The following SACM1L variants were observed in gnomAD, a reference collection of about 807,000 sequenced individuals.
The protein encoded by SACM1L is phosphatidylinositol-3-phosphatase SAC1.
A neutral mutation model predicts 89.5 loss-of-function variants in SACM1L; 32 were observed. The observed-to-expected ratio is 0.36, with a 90% CI of 0.27 to 0.48. The LOEUF is 0.48. SACM1L is among the 20% of genes least tolerant of loss of function. The pLI, the probability that SACM1L is intolerant of heterozygous loss-of-function variation, is 0.99. For missense variants in SACM1L, 543 were observed against 708.5 expected, an observed-to-expected ratio of 0.77 and a Z score of 2.65; for synonymous variants, 213 against 232.8, an observed-to-expected ratio of 0.92 and a Z score of 0.77.
In SACM1L at chr3:45,723,477, G is replaced by A; in HGVS notation, c.855G>A (p.Met285Ile). The part of the protein sequence containing the change: ...LPQISKVANH[M>I]DGFQRHFDSQ... ...ATATGTAACTTTTTCCTCTCTAGAT[G>A]GACGGTTTCCAAAGGCATTTTGATT... The change falls in exon 11 of 20, where the codon ATG (methionine) becomes ATA (isoleucine). Residue 285 changes from methionine (M) to isoleucine (I), a missense_variant and splice_region_variant. By Grantham distance (10) the Met-to-Ile change is conservative (BLOSUM62 1). Transcript: ENST00000389061. The A allele has an allele frequency of 8.2e-6, 12 of 1,460,460 alleles. No individual in the cohort carries two copies. The highest frequency in any genetic ancestry group is 1.1e-5 in the Non-Finnish European group (12 of 1,087,778). The allele number at this position is 1,460,460 out of a possible 1,614,324, so 90.5% of individuals were successfully genotyped here. A position where few individuals can be genotyped will look rare whatever the true frequency, so the allele number is the denominator to read the frequency against.
At chr3:45,692,316 G>GTT (rs141224972) in intron 1 of SACM1L, among the ~76,000 whole-genome samples, 1 of 148,530 alleles carries the variant, frequency 6.7e-6, no homozygotes, top group Non-Finnish European at 1.5e-5. Context: ...TTGAAAGAGA[G>GTT]TTTTTTTTTT....
chr3:45,743,615 T>C lies in SACM1L; in HGVS notation c.1710T>C (p.Asn570=). 1 of 1,614,098 alleles carries C rather than the reference T, an allele frequency of 6.2e-7. No homozygotes were observed. Among genetic ancestry groups the C allele is most frequent in the East Asian group, 2.2e-5 (1 of 44,886 alleles). ...SIGTFFIILY[N]GKDFVDAPRL... is the part of the protein sequence containing the mutation. ...GAACATTTTTTATCATTCTTTACAA[T>C]GGCAAAGATTTTGTCGATGCTCCCA... The change falls in exon 20 of 20, where the codon AAT becomes AAC. Residue 570 remains asparagine (N), a synonymous_variant. Transcript: ENST00000389061.
chr3:45,719,365 G>T, intron 7 of SACM1L, 135 bp from the exon 8 acceptor site: 1 of 510,238 alleles, frequency 2.0e-6, no homozygotes, highest in Non-Finnish European at 3.5e-6. Flanking sequence ...AAGGGCTTGT[G>T]AATATTCATG....
chr3:45,728,034 A>G (rs1044820711), intron 11 of SACM1L, among the ~76,000 whole-genome samples: 1 of 152,212 alleles, frequency 6.6e-6, no homozygotes, highest in African/African-American at 2.4e-5. Flanking sequence ...ATCAATAAAC[A>G]ATGTTCTTTT....
Position 45,729,885 on chromosome 3 carries a change from CTCTT to C in SACM1L, c.922-1415_922-1412del, listed in dbSNP as rs141557744. Among the ~76,000 whole-genome samples the C allele has an allele frequency of 2.0e-5, 3 of 151,952 alleles. No individual in the cohort carries two copies. The East Asian group carries it at 5.8e-4, about 29-fold the overall frequency. On this transcript the variant is annotated intron_variant, in intron 11 of 19. Coordinates refer to ENST00000389061, the MANE Select transcript of SACM1L (RefSeq NM_014016.5). ...ATAATCTGTCTCTGCCTTTCTCTCT[CTCTT>C]CCTGGAATTCCCATAGTGCTAAATA...
intron 13 of SACM1L, among the ~76,000 whole-genome samples, chr3:45,733,927 G>A (rs1240842701): frequency 6.6e-6 from 1 of 152,156 alleles, no homozygotes; most frequent in East Asian, 1.9e-4. Context: ...ACTGTGTGTT[G>A]TCAGATTTTT....
chr3:45,696,645 GGTTT>G (rs1317280468), intron 1 of SACM1L, among the ~76,000 whole-genome samples: 1 of 151,788 alleles, frequency 6.6e-6, no homozygotes, highest in Non-Finnish European at 1.5e-5. Context: ...TTCTATCCTG[GGTTT>G]GTTTTTTTTT....
chr3:45,722,132 C>A, intron 9 of SACM1L, 47 bp downstream of exon 9: 2 of 1,126,718 alleles, frequency 1.8e-6, no homozygotes, highest in Non-Finnish European at 1.3e-6. Flanking sequence ...GCCTTTTCTG[C>A]TTGGATTATA....
intron 2 of SACM1L, among the ~76,000 whole-genome samples, chr3:45,704,179 T>C (rs1698334942): frequency 6.6e-6 from 1 of 152,210 alleles, no homozygotes; most frequent in African/African-American, 2.4e-5. Flanking sequence ...TACCATGTGA[T>C]AACATATTTA....
chr3:45,689,608 C>T (rs1012596752), intron 1 of SACM1L, 111 bp downstream of exon 1: 20 of 1,285,678 alleles, frequency 1.6e-5, no homozygotes, highest in South Asian at 7.6e-5. Flanking sequence ...TGTGGGAGCT[C>T]CTCGCATTTA....
At chr3:45,738,486 A>G (rs1024730136) in intron 16 of SACM1L, 92 bp from the exon 17 acceptor site, 11 of 709,406 alleles carry the variant, frequency 1.6e-5, no homozygotes, top group South Asian at 1.3e-4. Flanking sequence ...TCTGTCACTC[A>G]CTTATTTCTA....
chr3:45,743,438 A>T, intron 19 of SACM1L, 95 bp from the exon 20 acceptor site: 1 of 1,310,414 alleles, frequency 7.6e-7, no homozygotes, highest in Non-Finnish European at 1.0e-6. Context: ...ATGTGCTAGT[A>T]AACTTTAATG....
At chr3:45,706,600 A>C (rs1698401431) in intron 3 of SACM1L, among the ~76,000 whole-genome samples, 180 bp from the exon 4 acceptor site, 1 of 152,196 alleles carries the variant, frequency 6.6e-6, no homozygotes. Flanking sequence ...AATTTTTCTA[A>C]ATAATATGCT....
At chr3:45,689,852 C>T in intron 1 of SACM1L, 2 of 387,774 alleles carry the variant, frequency 5.2e-6, no homozygotes, top group East Asian at 4.5e-5. Context: ...ATCTGTATGA[C>T]TTAACAGAGA....
rs577661139 is a variant in SACM1L, at chr3:45,735,607, T to G, written c.1239+234T>G. 1.3e-5 allele frequency among the ~76,000 whole-genome samples: 2 copies of G among 152,272 alleles called. 1 individual carries two copies. The highest frequency in any genetic ancestry group is 4.1e-4 in the South Asian group (2 of 4,820). ...TTATGTAATCACAGTTTCTGGTGGTTGTATTGTTGTGCCGTAATTTACTAA... is the reference window on the plus strand; with the variant it reads ...TTATGTAATCACAGTTTCTGGTGGTGGTATTGTTGTGCCGTAATTTACTAA... On this transcript the variant is annotated intron_variant, in intron 14 of 19. Coordinates refer to ENST00000389061, the MANE Select transcript of SACM1L (RefSeq NM_014016.5).
intron 1 of SACM1L, among the ~76,000 whole-genome samples, chr3:45,701,055 G>T (rs1347495217): frequency 6.6e-6 from 1 of 152,204 alleles, no homozygotes; most frequent in Non-Finnish European, 1.5e-5. Flanking sequence ...AGATGCCTTG[G>T]TGTTTGGGTC....
chr3:45,706,802 C>T lies in SACM1L; in HGVS notation c.228C>T (p.Thr76=), dbSNP rs1698408011. 4 of 1,609,060 alleles carry T rather than the reference C, an allele frequency of 2.5e-6. No individual in the cohort carries two copies. Among genetic ancestry groups the T allele is most frequent in the Non-Finnish European group, 2.5e-6 (3 of 1,177,188 alleles). Residue 76 remains threonine, a synonymous_variant, in exon 4 of 20, where the codon ACC becomes ACT. Transcript: ENST00000389061. ...CAGGTAATTATCTTATAGTCATTAC[C>T]AAAAAGATAAAAGTAGGTGAATTTT... The part of the protein sequence containing the change: ...LVAGNYLIVI[T]KKIKVGEFFS...
At chr3:45,705,945 T>C (rs181419225) in intron 3 of SACM1L, among the ~76,000 whole-genome samples, 1 of 152,352 alleles carries the variant, frequency 6.6e-6, no homozygotes, top group East Asian at 1.9e-4. Flanking sequence ...TTTAATTTGA[T>C]TGAGCTTGTT....
intron 14 of SACM1L, 101 bp from the exon 15 acceptor site, chr3:45,737,482 A>G (rs996453258): frequency 6.9e-6 from 8 of 1,158,158 alleles, no homozygotes; most frequent in Non-Finnish European, 1.0e-5. Context: ...GCATCCAGCA[A>G]CCAGGCACCA....
Sources: allele counts gnomAD v4.1 joint callset (sites outside exome capture counted in the v4.1 genomes callset), GRCh38; gene constraint gnomAD v4.1.1; transcripts MANE v1.5; gene names NCBI Gene and HGNC (gene_info 2026-07-23, HGNC 2026-07-21).